CNTN5: variants seen among roughly 807,000 people sequenced by gnomAD.
The protein encoded by CNTN5 is contactin 5.
A neutral mutation model predicts 129.1 loss-of-function variants in CNTN5; 77 were observed. The observed-to-expected ratio is 0.60, with a 90% CI of 0.50 to 0.72. The LOEUF (loss-of-function observed/expected upper bound fraction) is 0.72, where lower values mean the gene tolerates loss of function less well. Among genes scored for constraint, CNTN5 ranks in the 30% least tolerant of loss-of-function variants. The pLI is 0.00. For synonymous variants in CNTN5, 509 were observed against 465.6 expected, an observed-to-expected ratio of 1.09 and a Z score of -1.20; for missense variants, 1,478 against 1,328.8, an observed-to-expected ratio of 1.11 and a Z score of -1.75.
intron 2 of CNTN5, among the ~76,000 whole-genome samples, chr11:99,507,448 T>C (rs1946670349): frequency 6.6e-6 from 1 of 151,582 alleles, no homozygotes; most frequent in Non-Finnish European, 1.5e-5. Context: ...TATATTGACA[T>C]TTTCTTTTTT....
chr11:100,107,160 T>G (rs12285049), intron 13 of CNTN5, among the ~76,000 whole-genome samples: 1 of 152,108 alleles, frequency 6.6e-6, no homozygotes, highest in Non-Finnish European at 1.5e-5. Context: ...AATAAAAGTA[T>G]CCCCAAGACC....
chr11:99,854,828 A>C (rs1452438605), intron 6 of CNTN5, among the ~76,000 whole-genome samples: 1 of 152,176 alleles, frequency 6.6e-6, no homozygotes. Flanking sequence ...AATTTGTGCT[A>C]GGAAAAAAGA....
chr11:100,335,244 C>T (rs139652417), intron 21 of CNTN5, among the ~76,000 whole-genome samples: 58 of 152,156 alleles, frequency 3.8e-4, no homozygotes, highest in Non-Finnish European at 3.7e-4. Flanking sequence ...TTTTATATGA[C>T]TGAATGAAAA....
rs1591530745 is a variant in CNTN5 at position 100,343,833 on chromosome 11, A to G, written c.3030+2628A>G. Among the ~76,000 whole-genome samples the G allele has an allele frequency of 2.6e-5, 4 of 152,188 alleles. No homozygotes were observed. In the East Asian group the frequency reaches 7.8e-4, roughly 30 times the overall value. ...TACTACATCCCAAAAATTACTGCCA[A>G]CCAAGAGTGGCACCACTATAATAGC... On this transcript the variant is annotated intron_variant, in intron 23 of 24. Coordinates refer to ENST00000524871, the MANE Select transcript of CNTN5 (RefSeq NM_014361.4).
intron 1 of CNTN5, among the ~76,000 whole-genome samples, chr11:99,201,754 G>A (rs1427136556): frequency 1.3e-5 from 2 of 152,168 alleles, no homozygotes; most frequent in African/African-American, 4.8e-5. Flanking sequence ...CTCTGAAGAT[G>A]GAAGGGGGCT....
At chr11:99,356,153 C>G (rs146833740) in intron 2 of CNTN5, among the ~76,000 whole-genome samples, 1 of 151,414 alleles carries the variant, frequency 6.6e-6, no homozygotes, top group African/African-American at 2.4e-5. Flanking sequence ...AATTCCAATA[C>G]GGACATTTTT....
At chr11:99,036,944 A>C (rs896930801) in intron 1 of CNTN5, among the ~76,000 whole-genome samples, 3 of 152,220 alleles carry the variant, frequency 2.0e-5, no homozygotes, top group Admixed American at 6.5e-5. Flanking sequence ...CATAGCAGCA[A>C]GAGGTCAATC....
intron 4 of CNTN5, among the ~76,000 whole-genome samples, chr11:99,838,333 A>G (rs1947370264): frequency 6.6e-6 from 1 of 152,220 alleles, no homozygotes; most frequent in African/African-American, 2.4e-5. Context: ...ACATCTATCA[A>G]GTATTTTTAT....
Position 99,443,660 on chromosome 11 carries a change from A to G in CNTN5, c.-70-112485A>G, listed in dbSNP as rs577081461. Among the ~76,000 whole-genome samples, 9 of 152,292 alleles carry G rather than the reference A, an allele frequency of 5.9e-5. 1 individual carries two copies. In the East Asian group the frequency reaches 1.7e-3, roughly 29 times the overall value. The stretch of plus-strand genomic sequence containing the variant: ...GCTTGTGCATGCAGCATATAGAGCT[A>G]TGCTTTCCTGAGACAGTGCTACCTA... On this transcript the variant is annotated intron_variant, in intron 2 of 24. Coordinates refer to ENST00000524871, the MANE Select transcript of CNTN5 (RefSeq NM_014361.4).
intron 2 of CNTN5, among the ~76,000 whole-genome samples, chr11:99,389,702 A>T (rs1343848659): frequency 6.6e-6 from 1 of 152,338 alleles, no homozygotes; most frequent in African/African-American, 2.4e-5. Flanking sequence ...AATGACTAAC[A>T]GAATTATAAA....
intron 1 of CNTN5, among the ~76,000 whole-genome samples, chr11:99,206,396 G>A (rs1013835138): frequency 2.6e-5 from 4 of 152,044 alleles, no homozygotes; most frequent in African/African-American, 9.7e-5. Flanking sequence ...TCCCCAGGTC[G>A]TCTCAATGTA....
At chr11:99,418,752 C>G (rs953874695) in intron 2 of CNTN5, among the ~76,000 whole-genome samples, 17 of 152,128 alleles carry the variant, frequency 1.1e-4, no homozygotes, top group Non-Finnish European at 2.1e-4. Context: ...GTTCTACTTA[C>G]TCTTGCTAGT....
At chr11:100,037,599 G>C (rs1048323566) in intron 9 of CNTN5, among the ~76,000 whole-genome samples, 1 of 151,978 alleles carries the variant, frequency 6.6e-6, no homozygotes, top group Admixed American at 6.6e-5. Context: ...ATCTGGTCCT[G>C]GACTCTTTTT....
At chr11:100,115,996 G>T (rs1207897554) in intron 13 of CNTN5, among the ~76,000 whole-genome samples, 2 of 151,964 alleles carry the variant, frequency 1.3e-5, no homozygotes, top group South Asian at 2.1e-4. Flanking sequence ...TTGTTGGATG[G>T]ATCTGTCTGA....
At chr11:100,302,536 T>C (rs1258619678) in intron 20 of CNTN5, among the ~76,000 whole-genome samples, 1 of 151,550 alleles carries the variant, frequency 6.6e-6, no homozygotes, top group African/African-American at 2.4e-5. Flanking sequence ...ATGGGCTTAG[T>C]TCCTCCTCTT....
At chr11:100,207,545 T>G (rs1429279846) in intron 15 of CNTN5, among the ~76,000 whole-genome samples, 2 of 152,154 alleles carry the variant, frequency 1.3e-5, no homozygotes, top group African/African-American at 4.8e-5. Context: ...TAAAAAATAC[T>G]GCATTTTATC....
At chr11:99,753,184 G>T (rs1361818130) in intron 3 of CNTN5, among the ~76,000 whole-genome samples, 1 of 146,470 alleles carries the variant, frequency 6.8e-6, no homozygotes, top group Non-Finnish European at 1.5e-5. Flanking sequence ...GTACGGTGGC[G>T]AGATCTCGAC....
At chr11:99,907,037 A>G (rs1792169215) in intron 6 of CNTN5, among the ~76,000 whole-genome samples, 1 of 151,592 alleles carries the variant, frequency 6.6e-6, no homozygotes, top group African/African-American at 2.4e-5. Flanking sequence ...TAATCTGGCT[A>G]GTGGTCTATT....
chr11:100,253,160 C>T (rs181865590), intron 16 of CNTN5, among the ~76,000 whole-genome samples: 1 of 152,122 alleles, frequency 6.6e-6, no homozygotes, highest in Admixed American at 6.6e-5. Context: ...CTAACACATA[C>T]TTTTTCTCTT....
Sources: allele counts gnomAD v4.1 joint callset (sites outside exome capture counted in the v4.1 genomes callset), GRCh38; gene constraint gnomAD v4.1.1; transcripts MANE v1.5; gene names NCBI Gene and HGNC (gene_info 2026-07-23, HGNC 2026-07-21).